PRIMA1: variants seen among roughly 807,000 people sequenced by gnomAD.
The protein encoded by PRIMA1 is proline rich membrane anchor 1.
A neutral mutation model predicts 17.5 loss-of-function variants in PRIMA1; 7 were observed. The observed-to-expected ratio is 0.40, with a 90% CI of 0.23 to 0.75. The LOEUF (loss-of-function observed/expected upper bound fraction) is 0.75, where lower values mean the gene tolerates loss of function less well. PRIMA1 is among the 30% of genes least tolerant of loss of function. The pLI is 0.37. For synonymous variants in PRIMA1, 97 were observed against 77.9 expected (o/e 1.25, Z -1.29); for missense variants, 200 against 201.8 (o/e 0.99, Z 0.05).
At chr14:93,779,065 C>T (rs917381299) in intron 3 of PRIMA1, 111 bp downstream of exon 3, 85 of 760,738 alleles carry the variant, frequency 1.1e-4, no homozygotes, top group Non-Finnish European at 1.6e-4. Context: ...CCTGCTTGGC[C>T]AGTGGAAAAT....
intron 3 of PRIMA1, among the ~76,000 whole-genome samples, chr14:93,760,970 T>A (rs553508057): frequency 6.6e-6 from 1 of 152,124 alleles, no homozygotes; most frequent in African/African-American, 2.4e-5. Flanking sequence ...CAGATGCCAG[T>A]GATTGTCTTA....
At chr14:93,759,087 C>T (rs747218104) in intron 3 of PRIMA1, among the ~76,000 whole-genome samples, 14 of 152,110 alleles carry the variant, frequency 9.2e-5, no homozygotes, top group South Asian at 4.1e-4. Flanking sequence ...ATGATAGCAA[C>T]GGGGGTCACT....
At chr14:93,767,034 C>A (rs1016816890) in intron 3 of PRIMA1, among the ~76,000 whole-genome samples, 1 of 152,172 alleles carries the variant, frequency 6.6e-6, no homozygotes, top group African/African-American at 2.4e-5. Context: ...GAGTGGCCTA[C>A]AAGACTTGAA....
chr14:93,785,811 G>T (rs1885507299), intron 2 of PRIMA1, among the ~76,000 whole-genome samples: 2 of 151,928 alleles, frequency 1.3e-5, no homozygotes, highest in Admixed American at 6.6e-5. Flanking sequence ...TTTTTAAATT[G>T]ATTTTTATGA....
Position 93,787,525 on chromosome 14 carries a change from C to T in PRIMA1, c.93+101G>A, listed in dbSNP as rs901783311. On this transcript the variant is annotated intron_variant, in intron 2 of 4. Transcript: ENST00000393140. ...TTCCCAAGCTCTTCCGAGAACCAAT[C>T]AGTGGGGTGGCTGCAAGAGGCCAGG... is the stretch of plus-strand genomic sequence containing the variant. 1.3e-5 allele frequency: 19 copies of T among 1,490,716 alleles called. No homozygotes were observed. The African/African-American group carries it at 2.2e-4, about 17-fold the overall frequency. 92.3% of individuals were successfully genotyped at this position (1,490,716 alleles called of 1,614,324 possible).
intron 3 of PRIMA1, 118 bp downstream of exon 3, chr14:93,779,058 G>T: frequency 1.4e-6 from 1 of 723,624 alleles, no homozygotes; most frequent in Non-Finnish European, 2.2e-6. Flanking sequence ...CTTCCCTCCT[G>T]CTTGGCCAGT....
chr14:93,749,637 C>T (rs1052812180), intron 3 of PRIMA1, among the ~76,000 whole-genome samples: 7 of 152,164 alleles, frequency 4.6e-5, no homozygotes, highest in African/African-American at 1.4e-4. Flanking sequence ...TGTGAGAGCT[C>T]GTGACCTTGG....
chr14:93,722,814 G>A (rs377556702), intron 4 of PRIMA1, among the ~76,000 whole-genome samples: 1 of 151,788 alleles, frequency 6.6e-6, no homozygotes, highest in Non-Finnish European at 1.5e-5. Flanking sequence ...GGCGATGATA[G>A]TGATGGTAAT....
chr14:93,743,305 A>T (rs906789997), intron 3 of PRIMA1, among the ~76,000 whole-genome samples: 3 of 152,164 alleles, frequency 2.0e-5, no homozygotes, highest in Non-Finnish European at 4.4e-5. Flanking sequence ...GCATCATTAG[A>T]TGGCTCTCCT....
Position 93,779,181 on chromosome 14 carries a change from G to A in PRIMA1, c.224C>T (p.Ala75Val), listed in dbSNP as rs1332596960. ...TGGAGTGAGCCATTACTTACCTGGGGCGGAGAGGAGTCTGGGAGGTGGCGG... is the reference window on the plus strand; with the variant it reads ...TGGAGTGAGCCATTACTTACCTGGGACGGAGAGGAGTCTGGGAGGTGGCGG... Reference protein sequence around the residue: ...PPPPPPRLLSAPAPNSTSCPT... With the variant: ...PPPPPPRLLSVPAPNSTSCPT... The change falls in exon 3 of 5, where the codon GCC becomes GTC. Residue 75 changes from alanine (A) to valine (V), a missense_variant. Transcript: ENST00000393140. The A allele has an allele frequency of 2.0e-6, 3 of 1,464,498 alleles. No homozygotes were observed. The highest frequency in any genetic ancestry group is 1.5e-5 in the African/African-American group (1 of 65,218). The allele number at this position is 1,464,498 out of a possible 1,614,324, so 90.7% of individuals were successfully genotyped here.
chr14:93,776,023 G>C (rs1489539800), intron 3 of PRIMA1, among the ~76,000 whole-genome samples: 3 of 152,208 alleles, frequency 2.0e-5, no homozygotes, highest in Non-Finnish European at 4.4e-5. Context: ...CGGACTACTG[G>C]GAAACAGAAG....
intron 2 of PRIMA1, among the ~76,000 whole-genome samples, chr14:93,785,468 G>A (rs1295965619): frequency 6.6e-6 from 1 of 152,184 alleles, no homozygotes; most frequent in East Asian, 1.9e-4. Context: ...TTAATCATAG[G>A]ACTTTGTTAT....
chr14:93,722,564 G>A (rs2076046578), intron 4 of PRIMA1, among the ~76,000 whole-genome samples: 1 of 151,900 alleles, frequency 6.6e-6, no homozygotes, highest in African/African-American at 2.4e-5. Context: ...TGATGGTGGT[G>A]TTGAAGGTTA....
intron 3 of PRIMA1, among the ~76,000 whole-genome samples, chr14:93,744,353 G>A (rs890808819): frequency 6.6e-6 from 1 of 152,192 alleles, no homozygotes; most frequent in African/African-American, 2.4e-5. Flanking sequence ...GGGACACAAG[G>A]GCCGCCTCTC....
chr14:93,787,878 C>T, intron 1 of PRIMA1, 129 bp from the exon 2 acceptor site: 1 of 1,028,620 alleles, frequency 9.7e-7, no homozygotes, highest in Non-Finnish European at 1.4e-6. Context: ...GTAAACCAAG[C>T]CTGCACTTAC....
intron 3 of PRIMA1, 48 bp downstream of exon 3, chr14:93,779,128 T>G: frequency 7.3e-7 from 1 of 1,373,844 alleles, no homozygotes; most frequent in Non-Finnish European, 9.6e-7. Context: ...TTCGTGGGCC[T>G]AGGAAAACAC....
intron 3 of PRIMA1, among the ~76,000 whole-genome samples, chr14:93,749,957 G>T (rs1458587945): frequency 3.9e-5 from 6 of 152,206 alleles, no homozygotes; most frequent in Admixed American, 1.3e-4. Flanking sequence ...TAGGCGGGCA[G>T]ATCACCCAAG....
At chr14:93,770,873 A>G (rs1885038668) in intron 3 of PRIMA1, among the ~76,000 whole-genome samples, 1 of 152,198 alleles carries the variant, frequency 6.6e-6, no homozygotes. Flanking sequence ...ATTAGTAGCT[A>G]CGGAGGACTC....
At chr14:93,724,307 C>T (rs533428436) in intron 4 of PRIMA1, among the ~76,000 whole-genome samples, 1 of 152,330 alleles carries the variant, frequency 6.6e-6, no homozygotes, top group East Asian at 1.9e-4. Flanking sequence ...CAGCATATCC[C>T]ACACGTGAAT....
Sources: allele counts gnomAD v4.1 joint callset (sites outside exome capture counted in the v4.1 genomes callset), GRCh38; gene constraint gnomAD v4.1.1; transcripts MANE v1.5; gene names NCBI Gene and HGNC (gene_info 2026-07-23, HGNC 2026-07-21).